GSK3B: variants seen among roughly 807,000 people sequenced by gnomAD.
The protein encoded by GSK3B is glycogen synthase kinase-3 beta.
In GSK3B, 15 loss-of-function variants were observed where a neutral mutation model predicts 56.4. The observed-to-expected ratio is 0.27, with a 90% CI of 0.18 to 0.41. The LOEUF (loss-of-function observed/expected upper bound fraction) is 0.41, where lower values mean the gene tolerates loss of function less well. Ranked by LOEUF, GSK3B falls within the 10% of genes least tolerant of loss-of-function variation. The pLI is 1.00. For synonymous variants in GSK3B, 181 were observed against 188.9 expected, an observed-to-expected ratio of 0.96 and a Z score of 0.34; for missense variants, 300 against 513.4, an observed-to-expected ratio of 0.58 and a Z score of 4.02.
intron 2 of GSK3B, among the ~76,000 whole-genome samples, chr3:119,975,690 C>T (rs896983187): frequency 2.0e-5 from 3 of 152,098 alleles, no homozygotes. Context: ...AGATACATGT[C>T]CCTATACAAT....
intron 7 of GSK3B, among the ~76,000 whole-genome samples, chr3:119,903,566 G>C (rs1339768371): frequency 6.6e-6 from 1 of 152,062 alleles, no homozygotes; most frequent in Non-Finnish European, 1.5e-5. Context: ...AATAGTATTA[G>C]CAGAAAATGA....
At chr3:119,882,499 A>G (rs1369199985) in intron 7 of GSK3B, among the ~76,000 whole-genome samples, 1 of 152,108 alleles carries the variant, frequency 6.6e-6, no homozygotes, top group East Asian at 1.9e-4. Context: ...CATCACATAC[A>G]CAACCCTCTA....
intron 1 of GSK3B, among the ~76,000 whole-genome samples, chr3:120,011,074 A>G (rs1559875380): frequency 6.6e-6 from 1 of 152,206 alleles, no homozygotes. Context: ...TTCCAATAAC[A>G]GCAACACAAA....
chr3:119,848,237 C>A (rs1234218328), intron 9 of GSK3B, among the ~76,000 whole-genome samples: 1 of 152,068 alleles, frequency 6.6e-6, no homozygotes, highest in Admixed American at 6.6e-5. Flanking sequence ...TGGGATAACC[C>A]TGGTTTATGC....
chr3:119,950,407 G>A (rs1019553558), intron 2 of GSK3B, among the ~76,000 whole-genome samples: 1 of 152,054 alleles, frequency 6.6e-6, no homozygotes, highest in Non-Finnish European at 1.5e-5. Flanking sequence ...TGGTTACAGG[G>A]AACTGCAAAT....
Position 119,823,530 on chromosome 3 carries a change from A to G in GSK3B, c.*3258T>C. 5.3e-6 allele frequency: 1 copy of G among 188,720 alleles called. No individual in the cohort carries two copies. Among genetic ancestry groups the G allele is most frequent in the East Asian group, 8.5e-5 (1 of 11,818 alleles). 11.7% of individuals were successfully genotyped at this position (188,720 alleles called of 1,614,324 possible). A position where few individuals can be genotyped will look rare whatever the true frequency, so the allele number is the denominator to read the frequency against. On this transcript the variant is annotated 3_prime_UTR_variant, in exon 11 of 11. Transcript: ENST00000264235. ...AGTAGATAAAAGAGGAGAGAGAGAG[A>G]GCATGGAAGGCTCCCAGAATCTGCT...
intron 2 of GSK3B, among the ~76,000 whole-genome samples, chr3:119,992,679 CAT>C (rs1269887309): frequency 6.6e-6 from 1 of 151,566 alleles, no homozygotes; most frequent in Non-Finnish European, 1.5e-5. Context: ...AAAAATTACA[CAT>C]ATCACACCTA....
intron 1 of GSK3B, among the ~76,000 whole-genome samples, chr3:120,016,004 G>A (rs2057823588): frequency 6.6e-6 from 1 of 152,168 alleles, no homozygotes; most frequent in South Asian, 2.1e-4. Flanking sequence ...TTAGGTATGG[G>A]TGGGAAATTT....
At chr3:120,017,427 C>G (rs374326068) in intron 1 of GSK3B, among the ~76,000 whole-genome samples, 3 of 152,150 alleles carry the variant, frequency 2.0e-5, no homozygotes, top group Admixed American at 1.3e-4. Flanking sequence ...TCTTGGCCTA[C>G]TAGACATCCC....
chr3:119,878,651 T>C (rs532955416), intron 7 of GSK3B, among the ~76,000 whole-genome samples: 1 of 152,266 alleles, frequency 6.6e-6, no homozygotes, highest in South Asian at 2.1e-4. Flanking sequence ...TACAAAGACT[T>C]GTATACAAAT....
intron 1 of GSK3B, among the ~76,000 whole-genome samples, chr3:120,050,529 T>A (rs996103630): frequency 3.3e-5 from 5 of 152,178 alleles, no homozygotes; most frequent in African/African-American, 1.2e-4. Flanking sequence ...GGGGGTAGAC[T>A]TGAAGAATGA....
At chr3:120,005,578 C>T (rs928803699) in intron 1 of GSK3B, among the ~76,000 whole-genome samples, 3 of 152,128 alleles carry the variant, frequency 2.0e-5, no homozygotes, top group Non-Finnish European at 2.9e-5. Context: ...GCAGATCTCT[C>T]GGCAGAAACT....
chr3:120,004,847 A>C (rs1477937996), intron 1 of GSK3B, among the ~76,000 whole-genome samples: 5 of 152,190 alleles, frequency 3.3e-5, no homozygotes, highest in Admixed American at 3.3e-4. Flanking sequence ...TGAAAATTCC[A>C]AAAACCATAA....
rs750133756 is a variant in GSK3B at position 119,826,636 on chromosome 3, A to AAT, written c.*150_*151dup. The stretch of plus-strand genomic sequence containing the variant: ...TATTTATAGATATTTTACAAGGTTA[A>AAT]ATAAGAACAACAATAATAATAAAAA... On this transcript the variant is annotated 3_prime_UTR_variant, in exon 11 of 11. Coordinates refer to ENST00000264235, the MANE Select transcript of GSK3B (RefSeq NM_001146156.2). 105 of 705,762 alleles carry AAT rather than the reference A, an allele frequency of 1.5e-4. No homozygotes were observed. The highest frequency in any genetic ancestry group is 2.4e-4 in the Non-Finnish European group (93 of 383,328). The allele number at this position is 705,762 out of a possible 1,614,324, so 43.7% of individuals were successfully genotyped here.
intron 3 of GSK3B, among the ~76,000 whole-genome samples, chr3:119,945,997 T>C (rs1037284675): frequency 6.6e-6 from 1 of 150,958 alleles, no homozygotes; most frequent in Admixed American, 6.6e-5. Flanking sequence ...AGAATAAAGA[T>C]AATAACAGGC....
chr3:119,948,069 AAG>A (rs1336311324), intron 2 of GSK3B, among the ~76,000 whole-genome samples: 1 of 152,218 alleles, frequency 6.6e-6, no homozygotes, highest in African/African-American at 2.4e-5. Flanking sequence ...TACATTAACA[AAG>A]AGGTTATTAT....
At chr3:120,060,398 C>T (rs2058226679) in intron 1 of GSK3B, among the ~76,000 whole-genome samples, 2 of 152,070 alleles carry the variant, frequency 1.3e-5, no homozygotes. Flanking sequence ...AATCTGGGAA[C>T]AAATTTCTTC....
At chr3:119,841,027 A>G (rs1274992459) in intron 10 of GSK3B, among the ~76,000 whole-genome samples, 1 of 152,190 alleles carries the variant, frequency 6.6e-6, no homozygotes, top group Non-Finnish European at 1.5e-5. Flanking sequence ...TTCGGTAACT[A>G]TTAAGGTACT....
At chr3:119,892,657 G>A (rs1433308070) in intron 7 of GSK3B, among the ~76,000 whole-genome samples, 2 of 152,108 alleles carry the variant, frequency 1.3e-5, no homozygotes, top group African/African-American at 2.4e-5. Flanking sequence ...CTAAATTAAC[G>A]CATGTAGTTA....
Sources: gnomAD v4.1 joint callset for allele counts (sites outside exome capture counted in the v4.1 genomes callset) on GRCh38, gnomAD v4.1.1 for gene constraint, MANE v1.5 for transcripts, NCBI Gene and HGNC (gene_info 2026-07-23, HGNC 2026-07-21) for gene names.